ZFHX3: variants seen among roughly 807,000 people sequenced by gnomAD.
ZFHX3 encodes the protein zinc finger homeobox 3.
Under a neutral mutation model 279.1 loss-of-function variants are expected in ZFHX3, and 42 were observed. The observed-to-expected ratio is 0.15, with a 90% CI of 0.12 to 0.19. The LOEUF is 0.19. Ranked by LOEUF, ZFHX3 falls within the 10% of genes least tolerant of loss-of-function variation. The pLI, the probability that ZFHX3 is intolerant of heterozygous loss-of-function variation, is 1.00. For synonymous variants in ZFHX3, 2,293 were observed against 1,957.8 expected, an observed-to-expected ratio of 1.17 and a Z score of -4.52; for missense variants, 4,981 against 4,754.0, an observed-to-expected ratio of 1.05 and a Z score of -1.40.
At chr16:73,568,873 G>A (rs1159554064) in intron 2 of ZFHX3, among the ~76,000 whole-genome samples, 1 of 151,936 alleles carries the variant, frequency 6.6e-6, no homozygotes, top group African/African-American at 2.4e-5. Flanking sequence ...CCCGCTGTCC[G>A]GCTCCGACAG....
At chr16:73,700,944 A>G (rs959026870) in intron 1 of ZFHX3, among the ~76,000 whole-genome samples, 2 of 152,354 alleles carry the variant, frequency 1.3e-5, no homozygotes, top group East Asian at 3.9e-4. Flanking sequence ...TGCTGATTTC[A>G]TACCAAAAGC....
Position 73,282,193 on chromosome 16 carries a change from G to A in ZFHX3, c.-1193-25057C>T, listed in dbSNP as rs548768402. On this transcript the variant is annotated intron_variant, in intron 4 of 17. Coordinates refer to the ZFHX3 transcript ENST00000641206. ...TTTCTTGTTCCCAGTCCTAAGTAGC[G>A]TTTACCCCCTTTTCCATCAGTAAGC... 2.8e-4 allele frequency among the ~76,000 whole-genome samples: 43 copies of A among 152,164 alleles called. 1 individual carries two copies. In the South Asian group the frequency reaches 5.2e-3, roughly 18 times the overall value.
intron 5 of ZFHX3, among the ~76,000 whole-genome samples, chr16:73,181,534 G>A (rs1386622116): frequency 2.0e-5 from 3 of 152,196 alleles, no homozygotes; most frequent in Non-Finnish European, 4.4e-5. Flanking sequence ...ACAAAAGGCT[G>A]TTTAATGTCA....
intron 1 of ZFHX3, among the ~76,000 whole-genome samples, chr16:73,710,764 C>G (rs752491792): frequency 7.9e-5 from 12 of 152,124 alleles, no homozygotes; most frequent in Non-Finnish European, 1.8e-4. Flanking sequence ...GACAGCTTCC[C>G]CCTCGACCCC....
At chr16:73,351,138 GA>G in intron 3 of ZFHX3, among the ~76,000 whole-genome samples, 1 of 152,256 alleles carries the variant, frequency 6.6e-6, no homozygotes, top group African/African-American at 2.4e-5. Flanking sequence ...AAACAGAGGG[GA>G]AAAAACCCAA....
chr16:72,931,863 C>T (rs1959828290), intron 3 of ZFHX3, among the ~76,000 whole-genome samples: 2 of 152,208 alleles, frequency 1.3e-5, no homozygotes, highest in African/African-American at 2.4e-5. Context: ...CACTCACTTG[C>T]GTCCAGAAGC....
intron 1 of ZFHX3, among the ~76,000 whole-genome samples, chr16:73,751,635 T>C (rs925836399): frequency 1.3e-5 from 2 of 152,226 alleles, no homozygotes; most frequent in African/African-American, 4.8e-5. Flanking sequence ...AATGATTTTA[T>C]TAATACAAAT....
chr16:73,615,516 G>C (rs1291430658), intron 2 of ZFHX3, among the ~76,000 whole-genome samples: 1 of 152,224 alleles, frequency 6.6e-6, no homozygotes, highest in Non-Finnish European at 1.5e-5. Context: ...CCTTTTGTAA[G>C]TGACTTGGGA....
At chr16:73,799,586 C>A (rs1960086466) in intron 1 of ZFHX3, among the ~76,000 whole-genome samples, 1 of 152,120 alleles carries the variant, frequency 6.6e-6, no homozygotes, top group South Asian at 2.1e-4. Flanking sequence ...GCAAAGACTC[C>A]ACACTGAGGT....
At chr16:73,784,296 T>G (rs11150086) in intron 1 of ZFHX3, among the ~76,000 whole-genome samples, 7,272 of 151,856 alleles carry the variant, frequency 0.048, 555 homozygotes, top group African/African-American at 0.16. Context: ...AAAATACATA[T>G]CAAGTGCTTC....
chr16:73,157,731 A>C (rs28451816), intron 5 of ZFHX3, among the ~76,000 whole-genome samples: 1 of 151,900 alleles, frequency 6.6e-6, no homozygotes, highest in Non-Finnish European at 1.5e-5. Context: ...TGGCCAAATG[A>C]CCCCAGTCAT....
In ZFHX3 at chr16:73,120,392, A is replaced by C. The variant is rs558211885; in HGVS notation, c.-897+10576T>G. On this transcript the variant is annotated intron_variant, in intron 7 of 17. Coordinates refer to the ZFHX3 transcript ENST00000641206. ...ATGATCCTCCTGCTTCAGCCTCCTG[A>C]GTAGCTGGGACTACAGGCACATGCC... Among the ~76,000 whole-genome samples, 9 of 152,044 alleles carry C rather than the reference A, an allele frequency of 5.9e-5. No individual in the cohort carries two copies. The South Asian group carries it at 6.2e-4, about 11-fold the overall frequency.
chr16:73,218,566 C>T (rs866961576), intron 5 of ZFHX3, among the ~76,000 whole-genome samples: 134 of 152,188 alleles, frequency 8.8e-4, no homozygotes, highest in African/African-American at 3.0e-3. Context: ...GTCAAGAGTT[C>T]GAGACCAGCC....
chr16:73,436,069 C>T (rs1236975113), intron 3 of ZFHX3, among the ~76,000 whole-genome samples: 3 of 152,202 alleles, frequency 2.0e-5, no homozygotes, highest in African/African-American at 2.4e-5. Flanking sequence ...GTGGCTCACG[C>T]CTGTAATCTC....
intron 2 of ZFHX3, among the ~76,000 whole-genome samples, chr16:73,547,329 A>G (rs1323601282): frequency 6.6e-6 from 1 of 152,234 alleles, no homozygotes; most frequent in Non-Finnish European, 1.5e-5. Context: ...AAAAACCTGT[A>G]CTATCAAAGC....
intron 2 of ZFHX3, among the ~76,000 whole-genome samples, chr16:73,627,437 T>G (rs549365712): frequency 6.6e-6 from 1 of 152,188 alleles, no homozygotes; most frequent in Non-Finnish European, 1.5e-5. Context: ...GCCGGAAAGT[T>G]TGAGGCACAG....
intron 3 of ZFHX3, among the ~76,000 whole-genome samples, chr16:73,340,606 G>T (rs2016013333): frequency 6.6e-6 from 1 of 152,166 alleles, no homozygotes; most frequent in South Asian, 2.1e-4. Flanking sequence ...GAACTCCTGG[G>T]CACAAGTAAC....
chr16:73,727,608 A>G (rs1201517562), intron 1 of ZFHX3, among the ~76,000 whole-genome samples: 1 of 152,144 alleles, frequency 6.6e-6, no homozygotes. Flanking sequence ...TACGGGACTC[A>G]TTATGCATTT....
At chr16:73,838,809 T>C (rs912093112) in intron 1 of ZFHX3, among the ~76,000 whole-genome samples, 1 of 151,944 alleles carries the variant, frequency 6.6e-6, no homozygotes, top group African/African-American at 2.4e-5. Flanking sequence ...CACGCATGTA[T>C]GGTGTGTACC....
Sources: allele counts gnomAD v4.1 joint callset (sites outside exome capture counted in the v4.1 genomes callset), GRCh38; gene constraint gnomAD v4.1.1; transcripts MANE v1.5; gene names NCBI Gene and HGNC (gene_info 2026-07-23, HGNC 2026-07-21).